Variants in PRDM1 observed in about 807,000 individuals in gnomAD.
The protein encoded by PRDM1 is PR domain zinc finger protein 1.
In PRDM1, 13 loss-of-function variants were observed where a neutral mutation model predicts 62.8. That is an observed-to-expected ratio of 0.21 (90% CI 0.13 to 0.33). The LOEUF (loss-of-function observed/expected upper bound fraction) is 0.33, where lower values mean the gene tolerates loss of function less well. Among genes scored for constraint, PRDM1 ranks in the 10% least tolerant of loss-of-function variants. The pLI is 1.00. For synonymous variants in PRDM1, 396 were observed against 417.6 expected (o/e 0.95, Z 0.63); for missense variants, 895 against 1,058.8 (o/e 0.85, Z 2.15).
chr6:106,088,471 A>C (rs956234856), intron 2 of PRDM1, 22 bp downstream of exon 2: 2 of 1,613,676 alleles, frequency 1.2e-6, no homozygotes, highest in South Asian at 2.2e-5. Context: ...GTTTATTGAC[A>C]AGAAGATTGG....
chr6:106,088,330 T>G lies in PRDM1; in HGVS notation c.172T>G (p.Cys58Gly). The G allele has an allele frequency of 6.2e-7, 1 of 1,614,120 alleles. No homozygotes were observed. Among genetic ancestry groups the G allele is most frequent in the Admixed American group, 1.7e-5 (1 of 60,008 alleles). The change falls in exon 2 of 7, where the codon TGT (cysteine) becomes GGT (glycine). Residue 58 changes from cysteine to glycine, a missense_variant. Coordinates refer to ENST00000369096, the MANE Select transcript of PRDM1 (RefSeq NM_001198.4). ...LWTEAEFEEK[C>G]TYIVNDHPWD... ...GACAGAGGCTGAGTTTGAAGAGAAGTGTACATACATTGTGAACGACCACCC... is the reference window on the plus strand; with the variant it reads ...GACAGAGGCTGAGTTTGAAGAGAAGGGTACATACATTGTGAACGACCACCC...
intron 1 of PRDM1, among the ~76,000 whole-genome samples, chr6:106,070,671 A>T (rs1389116522): frequency 6.6e-6 from 1 of 152,224 alleles, no homozygotes; most frequent in African/African-American, 2.4e-5. Flanking sequence ...TAGTTTGTAA[A>T]TATTTAGACA....
rs796967083 is a variant in PRDM1, at chr6:106,098,585, G to A, written c.412-715G>A. Reference sequence around the variant, plus strand: ...CCCTCCTTTGCATTGAAAGGAAAGTGCAAGTCTGGACATGTTTATCAAGAG... The same window carrying A: ...CCCTCCTTTGCATTGAAAGGAAAGTACAAGTCTGGACATGTTTATCAAGAG... On this transcript the variant is annotated intron_variant, in intron 3 of 6. Transcript: ENST00000369096. 21 of 1,308,400 alleles carry A rather than the reference G, an allele frequency of 1.6e-5. No individual in the cohort carries two copies. In the African/African-American group the frequency reaches 2.6e-4, roughly 16 times the overall value. The allele number at this position is 1,308,400 out of a possible 1,614,324, so 81.0% of individuals were successfully genotyped here. A position where few individuals can be genotyped will look rare whatever the true frequency, so the allele number is the denominator to read the frequency against.
intron 1 of PRDM1, among the ~76,000 whole-genome samples, chr6:105,997,570 G>A (rs139501240): frequency 1.4e-4 from 22 of 152,238 alleles, no homozygotes; most frequent in Admixed American, 3.9e-4. Flanking sequence ...TCTCCTTAAC[G>A]GGTTAGCGGT....
At chr6:106,070,590 G>T (rs1025074703) in intron 1 of PRDM1, among the ~76,000 whole-genome samples, 1 of 123,448 alleles carries the variant, frequency 8.1e-6, no homozygotes, top group Non-Finnish European at 1.8e-5. Context: ...TTTGGTCAAA[G>T]GTTATAAATC....
intron 1 of PRDM1, among the ~76,000 whole-genome samples, chr6:106,050,073 T>C (rs1773148615): frequency 6.6e-6 from 1 of 152,172 alleles, no homozygotes; most frequent in Non-Finnish European, 1.5e-5. Context: ...ACTCCAATGC[T>C]GGTGTGATGT....
intron 1 of PRDM1, among the ~76,000 whole-genome samples, chr6:106,035,604 G>A (rs1772913978): frequency 6.6e-6 from 1 of 152,096 alleles, no homozygotes; most frequent in South Asian, 2.1e-4. Context: ...ACTCCAGCCT[G>A]GGTGACAGAG....
At chr6:106,093,702 T>C (rs1421979077) in intron 2 of PRDM1, among the ~76,000 whole-genome samples, 1 of 152,214 alleles carries the variant, frequency 6.6e-6, no homozygotes, top group African/African-American at 2.4e-5. Context: ...AAGACTGCTC[T>C]GAGATACTCT....
chr6:106,052,979 T>TTA (rs539973865), intron 1 of PRDM1, among the ~76,000 whole-genome samples: 35 of 151,870 alleles, frequency 2.3e-4, no homozygotes, highest in Non-Finnish European at 4.7e-4. Flanking sequence ...AAAAAAAAAG[T>TTA]TATGGTCACT....
chr6:106,078,787 G>C (rs1773641993), intron 1 of PRDM1, among the ~76,000 whole-genome samples: 1 of 152,072 alleles, frequency 6.6e-6, no homozygotes, highest in South Asian at 2.1e-4. Flanking sequence ...CTGAACCTGG[G>C]AGGCTACGGT....
At chr6:106,030,268 A>C (rs1446039543) in intron 1 of PRDM1, among the ~76,000 whole-genome samples, 1 of 152,132 alleles carries the variant, frequency 6.6e-6, no homozygotes, top group Non-Finnish European at 1.5e-5. Context: ...TCCAGAGCTC[A>C]AGCAGTCTTC....
At chr6:106,035,373 G>A (rs1360959726) in intron 1 of PRDM1, among the ~76,000 whole-genome samples, 1 of 152,094 alleles carries the variant, frequency 6.6e-6, no homozygotes, top group African/African-American at 2.4e-5. Flanking sequence ...TGTAATCTCA[G>A]CACTTTGGAA....
In PRDM1 at chr6:106,106,523, C is replaced by A. The variant is rs1395941975; in HGVS notation, c.1902+24C>A. Reference sequence around the variant, plus strand: ...AGGTGCGCAGTATTTTCTGGGTAGACCTTCTGACCTTTGTAGAAAATGTCT... The same window carrying A: ...AGGTGCGCAGTATTTTCTGGGTAGAACTTCTGACCTTTGTAGAAAATGTCT... On this transcript the variant is annotated intron_variant, in intron 6 of 6. Coordinates refer to ENST00000369096, the MANE Select transcript of PRDM1 (RefSeq NM_001198.4). This position sits in a 1 kb window ranked among gnomAD's most constrained non-coding sequence, Gnocchi z 4.4. 2.5e-6 allele frequency: 4 copies of A among 1,613,488 alleles called. No homozygotes were observed. Among genetic ancestry groups the A allele is most frequent in the Non-Finnish European group, 2.5e-6 (3 of 1,179,820 alleles).
intron 1 of PRDM1, chr6:106,078,444 C>A (rs1446049246): frequency 7.2e-5 from 11 of 152,208 alleles, no homozygotes; most frequent in Admixed American, 7.2e-4. Context: ...AAAAACATGT[C>A]CCCCAAAATG....
At chr6:106,013,388 C>T (rs556631126) in intron 1 of PRDM1, among the ~76,000 whole-genome samples, 6 of 148,880 alleles carry the variant, frequency 4.0e-5, no homozygotes, top group South Asian at 2.1e-4. Context: ...AGTGCAACTG[C>T]GTGATCTCAG....
intron 3 of PRDM1, chr6:106,098,851 A>G (rs1774184958): frequency 2.6e-6 from 4 of 1,525,678 alleles, no homozygotes; most frequent in Admixed American, 2.0e-5. Context: ...CCATAGAAAA[A>G]GCTAAGACTC....
At chr6:106,019,206 A>G (rs1057452753) in intron 1 of PRDM1, among the ~76,000 whole-genome samples, 9 of 119,590 alleles carry the variant, frequency 7.5e-5, no homozygotes, top group Non-Finnish European at 1.4e-4. Flanking sequence ...GTGGAGGTGG[A>G]GGTTGCAGTG....
intron 1 of PRDM1, among the ~76,000 whole-genome samples, chr6:106,013,848 A>G (rs1184310458): frequency 6.6e-6 from 1 of 151,556 alleles, no homozygotes; most frequent in Admixed American, 6.6e-5. Context: ...TTTCCCCCTA[A>G]TCTTGTTCCC....
chr6:106,105,745 G>C lies in PRDM1; in HGVS notation c.1585G>C (p.Val529Leu), dbSNP rs1313489262. 6.2e-7 allele frequency: 1 copy of C among 1,614,006 alleles called. No individual in the cohort carries two copies. Among genetic ancestry groups the C allele is most frequent in the African/African-American group, 1.3e-5 (1 of 74,916 alleles). ...AACAGCCGCCACGGCAGAACATGTG[G>C]TGCAGCCCAAAGCTACCTCAGCAGC... ...AGTAATAEHV[V>L]QPKATSAAMA... Residue 529 changes from valine (V) to leucine (L), a missense_variant, in exon 5 of 7, where the codon GTG becomes CTG. Transcript: ENST00000369096.
Sources: gnomAD v4.1 joint callset for allele counts (sites outside exome capture counted in the v4.1 genomes callset) on GRCh38, gnomAD v4.1.1 for gene constraint, Gnocchi (gnomAD v3.1) non-coding constraint, MANE v1.5 for transcripts, NCBI Gene and HGNC (gene_info 2026-07-23, HGNC 2026-07-21) for gene names.